The following POLR3B variants were observed in gnomAD, a reference collection of about 807,000 sequenced individuals.
The protein encoded by POLR3B is RNA polymerase III subunit B, also known as DNA-directed RNA polymerase III subunit RPC2.
A neutral mutation model predicts 147.4 loss-of-function variants in POLR3B; 96 were observed. The observed-to-expected ratio is 0.65, with a 90% CI of 0.55 to 0.77. The LOEUF (loss-of-function observed/expected upper bound fraction) is 0.77. Among genes scored for constraint, POLR3B ranks in the 30% least tolerant of loss-of-function variants. The pLI, the probability that POLR3B is intolerant of heterozygous loss-of-function variation, is 0.00. For missense variants in POLR3B, 1,036 were observed against 1,413.5 expected, an observed-to-expected ratio of 0.73 and a Z score of 4.28; for synonymous variants, 461 against 485.9, an observed-to-expected ratio of 0.95 and a Z score of 0.67.
intron 9 of POLR3B, among the ~76,000 whole-genome samples, chr12:106,390,605 A>G (rs963378080): frequency 2.0e-5 from 3 of 151,940 alleles, no homozygotes; most frequent in South Asian, 2.1e-4. Context: ...GCTTATTTCT[A>G]GTATCCATTT....
chr12:106,409,546 G>C (rs1469528709), intron 11 of POLR3B, among the ~76,000 whole-genome samples: 1 of 151,346 alleles, frequency 6.6e-6, no homozygotes, highest in Admixed American at 6.6e-5. Flanking sequence ...TTGACCTAGA[G>C]AAGAAATAAA....
intron 18 of POLR3B, among the ~76,000 whole-genome samples, chr12:106,444,128 G>A (rs1258787262): frequency 6.6e-6 from 1 of 152,092 alleles, no homozygotes; most frequent in African/African-American, 2.4e-5. Flanking sequence ...GCTAGTAACT[G>A]TATTTAAAGG....
chr12:106,459,138 C>T (rs925920917), intron 21 of POLR3B, 113 bp from the exon 22 acceptor site: 25 of 736,868 alleles, frequency 3.4e-5, no homozygotes, highest in Middle Eastern at 2.4e-4. Context: ...GTCCTCCTAC[C>T]GCAGCCTCCT....
intron 1 of POLR3B, among the ~76,000 whole-genome samples, chr12:106,361,754 T>C (rs556710702): frequency 6.6e-6 from 1 of 152,196 alleles, no homozygotes; most frequent in East Asian, 1.9e-4. Flanking sequence ...GGGATAGAAC[T>C]TTGAAGAACA....
intron 23 of POLR3B, among the ~76,000 whole-genome samples, chr12:106,490,917 C>A (rs1351477966): frequency 1.3e-5 from 2 of 152,116 alleles, no homozygotes; most frequent in Admixed American, 6.5e-5. Context: ...TATCTGCAAC[C>A]CCAGGCCTCG....
chr12:106,436,977 A>G (rs1034004197), intron 16 of POLR3B, 80 bp from the exon 17 acceptor site: 6 of 1,056,896 alleles, frequency 5.7e-6, no homozygotes, highest in Non-Finnish European at 7.3e-6. Flanking sequence ...ATCTTCCCTC[A>G]TCTCACTTTG....
intron 18 of POLR3B, 112 bp downstream of exon 18, chr12:106,437,891 G>T (rs1466553822): frequency 4.2e-6 from 3 of 713,062 alleles, no homozygotes; most frequent in Admixed American, 2.2e-5. Context: ...GACAGGAACT[G>T]TTAGAAATAT....
intron 10 of POLR3B, among the ~76,000 whole-genome samples, chr12:106,397,935 G>A (rs538811041): frequency 6.6e-6 from 1 of 152,368 alleles, no homozygotes; most frequent in East Asian, 1.9e-4. Context: ...ACTAAGACGG[G>A]TGATTTCTGC....
rs776199937 is a variant in POLR3B, at chr12:106,459,328, A to C, written c.2530A>C (p.Asn844His). 5.6e-6 allele frequency: 9 copies of C among 1,600,232 alleles called. No individual in the cohort carries two copies. Among genetic ancestry groups the C allele is most frequent in the Non-Finnish European group, 6.0e-6 (7 of 1,167,460 alleles). Residue 844 changes from asparagine to histidine, a missense_variant, in exon 22 of 28, where the codon AAT becomes CAT. Asn to His is a moderately conservative substitution (Grantham distance 68). Transcript: ENST00000228347. ...GACTCAGATTCCTTTGGAAGGAAGT[A>C]ATGTACCACAGCAACCACAGTACAA... is the stretch of plus-strand genomic sequence containing the variant. Reference protein sequence around the residue: ...TVTQIPLEGSNVPQQPQYKDV... With the variant: ...TVTQIPLEGSHVPQQPQYKDV...
At chr12:106,454,114 C>T (rs1039572401) in intron 19 of POLR3B, among the ~76,000 whole-genome samples, 2 of 152,092 alleles carry the variant, frequency 1.3e-5, no homozygotes, top group Non-Finnish European at 2.9e-5. Context: ...ATAAGCTCCT[C>T]GGATGTGAAC....
chr12:106,427,194 T>TA lies in POLR3B; in HGVS notation c.1102-2dup, dbSNP rs2037451249. ...CACCATATACCTTTTTTTTTTTTTT[T>TA]AGCTTTTATCTCTTCTTTTTGAAGA... On this transcript the variant is annotated splice_region_variant and splice_polypyrimidine_tract_variant and intron_variant, in intron 12 of 27. Transcript: ENST00000228347. 1 of 1,451,158 alleles carries TA rather than the reference T, an allele frequency of 6.9e-7. No individual in the cohort carries two copies. Among genetic ancestry groups the TA allele is most frequent in the South Asian group, 1.2e-5 (1 of 80,226 alleles). 89.9% of individuals were successfully genotyped at this position (1,451,158 alleles called of 1,614,324 possible).
In POLR3B at chr12:106,430,256, C is replaced by T; in HGVS notation, c.1264-17C>T. The T allele has an allele frequency of 6.2e-7, 1 of 1,603,442 alleles. No individual in the cohort carries two copies. Among genetic ancestry groups the T allele is most frequent in the Non-Finnish European group, 8.5e-7 (1 of 1,170,532 alleles). On this transcript the variant is annotated splice_polypyrimidine_tract_variant and intron_variant, in intron 13 of 27. Coordinates refer to ENST00000228347, the MANE Select transcript of POLR3B (RefSeq NM_018082.6). The stretch of plus-strand genomic sequence containing the variant: ...GATTGGGTTAGGAATAGTCTTATGT[C>T]TTTCATCTCCCTACAGGGAAATTGG...
At chr12:106,361,813 C>T (rs148106314) in intron 1 of POLR3B, among the ~76,000 whole-genome samples, 11 of 152,172 alleles carry the variant, frequency 7.2e-5, no homozygotes, top group Admixed American at 2.6e-4. Context: ...AAGGCCCGGC[C>T]GGAGGAAGGA....
chr12:106,469,085 T>C (rs2038050809), intron 23 of POLR3B, among the ~76,000 whole-genome samples: 1 of 152,182 alleles, frequency 6.6e-6, no homozygotes, highest in Non-Finnish European at 1.5e-5. Context: ...TAAGTCTCTT[T>C]GTAGGTCTCT....
chr12:106,357,993 G>C, intron 1 of POLR3B, 42 bp downstream of exon 1: 2 of 1,604,878 alleles, frequency 1.2e-6, no homozygotes, highest in Non-Finnish European at 1.7e-6. Context: ...ACAAGGATGC[G>C]CCCTGAGGGG....
chr12:106,390,091 G>A (rs571581041), intron 9 of POLR3B, among the ~76,000 whole-genome samples: 97 of 152,130 alleles, frequency 6.4e-4, no homozygotes, highest in Non-Finnish European at 9.3e-4. Context: ...GGTGGCAGAT[G>A]CCTGTAGTCC....
At chr12:106,437,477 C>T (rs936021680) in intron 17 of POLR3B, among the ~76,000 whole-genome samples, 1 of 152,102 alleles carries the variant, frequency 6.6e-6, no homozygotes, top group African/African-American at 2.4e-5. Context: ...GAGTTACAGA[C>T]AGACACTTTG....
chr12:106,443,491 G>T (rs1043890502), intron 18 of POLR3B, among the ~76,000 whole-genome samples: 1 of 151,900 alleles, frequency 6.6e-6, no homozygotes, highest in Non-Finnish European at 1.5e-5. Context: ...AGTGGCTATG[G>T]TATTGGTCTC....
intron 23 of POLR3B, among the ~76,000 whole-genome samples, chr12:106,491,231 C>T (rs1404667078): frequency 1.3e-5 from 2 of 152,122 alleles, no homozygotes; most frequent in African/African-American, 4.8e-5. Flanking sequence ...GCTAATTATT[C>T]CCGTTACAAA....
Sources: gnomAD v4.1 joint callset for allele counts (sites outside exome capture counted in the v4.1 genomes callset) on GRCh38, gnomAD v4.1.1 for gene constraint, MANE v1.5 for transcripts, NCBI Gene and HGNC (gene_info 2026-07-23, HGNC 2026-07-21) for gene names.